TCTN1: variants seen among roughly 807,000 people sequenced by gnomAD.
TCTN1 encodes the protein tectonic-1.
In TCTN1, 58 loss-of-function variants were observed where a neutral mutation model predicts 65.8. The ratio of observed to expected loss-of-function variants is 0.88; its 90% CI spans 0.71 to 1.10. The LOEUF is 1.10. TCTN1 is among the 50% of genes least tolerant of loss of function. The pLI, the probability that TCTN1 is intolerant of heterozygous loss-of-function variation, is 0.00. For synonymous variants in TCTN1, 273 were observed against 289.1 expected (o/e 0.94, Z 0.57); for missense variants, 645 against 719.4 (o/e 0.90, Z 1.18).
Position 110,619,890 on chromosome 12 carries a change from G to C in TCTN1, c.275G>C (p.Cys92Ser), listed in dbSNP as rs758246510. ...LSPAQCDINCCCDPDCSSVDF... is the reference protein window; with the variant it reads ...LSPAQCDINCSCDPDCSSVDF... ...CCAGCACAGTGTGACATCAACTGCT[G>C]CTGTGATCCCGACTGCAGCTCCGTG... Residue 92 changes from cysteine to serine, a missense_variant, in exon 2 of 15, where the codon TGC (cysteine) becomes TCC (serine). Physicochemically the swap from Cys to Ser is moderately radical, Grantham distance 112. Coordinates refer to ENST00000397659, the MANE Select transcript of TCTN1 (RefSeq NM_001082538.3). 6.2e-7 allele frequency: 1 copy of C among 1,614,156 alleles called. No individual in the cohort carries two copies. Among genetic ancestry groups the C allele is most frequent in the South Asian group, 1.1e-5 (1 of 91,086 alleles).
intron 11 of TCTN1, chr12:110,643,254 T>C (rs987354818): frequency 3.3e-5 from 5 of 152,134 alleles, no homozygotes; most frequent in African/African-American, 1.2e-4. Context: ...AGCAAAAATA[T>C]TTCCCCTGAC....
intron 12 of TCTN1, 116 bp downstream of exon 12, chr12:110,645,245 C>G: frequency 2.2e-6 from 3 of 1,369,034 alleles, no homozygotes; most frequent in Non-Finnish European, 3.0e-6. Context: ...AGTGGGAGCG[C>G]GGGCTGAATC....
intron 6 of TCTN1, among the ~76,000 whole-genome samples, chr12:110,635,207 G>T (rs2136075376): frequency 6.6e-6 from 1 of 152,322 alleles, no homozygotes; most frequent in East Asian, 1.9e-4. Context: ...AGTCAGGAAA[G>T]AACAGGAAAT....
At chr12:110,634,927 G>T in intron 6 of TCTN1, 148 bp downstream of exon 6, 2 of 589,614 alleles carry the variant, frequency 3.4e-6, no homozygotes, top group South Asian at 2.3e-5. Context: ...AGTGATTATT[G>T]AAATAATCCT....
In TCTN1 at chr12:110,626,385, A is replaced by C; in HGVS notation, c.365A>C (p.Gln122Pro). 2 of 1,593,946 alleles carry C rather than the reference A, an allele frequency of 1.3e-6. No homozygotes were observed. The highest frequency in any genetic ancestry group is 1.7e-6 in the Non-Finnish European group (2 of 1,167,612). ...AGGGGCGACAGCCAGTTTTGTAGTCAAAAAGCAGTCATCTATTCATTGAAT... is the reference window on the plus strand; with the variant it reads ...AGGGGCGACAGCCAGTTTTGTAGTCCAAAAGCAGTCATCTATTCATTGAAT... ...VVTGDSQFCS[Q>P]KAVIYSLNFT... Residue 122 changes from glutamine to proline, a missense_variant, in exon 3 of 15, where the codon CAA becomes CCA. By Grantham distance (76) the Gln-to-Pro change is moderately conservative. Coordinates refer to ENST00000397659, the MANE Select transcript of TCTN1 (RefSeq NM_001082538.3).
chr12:110,618,658 C>T (rs906312846), intron 1 of TCTN1, among the ~76,000 whole-genome samples: 6 of 152,028 alleles, frequency 3.9e-5, no homozygotes, highest in Non-Finnish European at 8.8e-5. Context: ...TGTGAGCCAC[C>T]GTGCCTGGTT....
intron 1 of TCTN1, among the ~76,000 whole-genome samples, chr12:110,617,620 AC>A: frequency 6.7e-6 from 1 of 150,318 alleles, no homozygotes; most frequent in East Asian, 2.0e-4. Context: ...GCTATGGGAT[AC>A]ATTTTTCTTT....
chr12:110,642,535 G>A, intron 11 of TCTN1, 146 bp downstream of exon 11: 1 of 1,173,590 alleles, frequency 8.5e-7, no homozygotes, highest in Non-Finnish European at 1.2e-6. Context: ...ATGAATAGTA[G>A]CAAAACTGTT....
At chr12:110,616,477 C>A in intron 1 of TCTN1, 1 of 230,680 alleles carries the variant, frequency 4.3e-6, no homozygotes, top group East Asian at 1.0e-4. Context: ...GAACTCCTGG[C>A]CTCAAGTGAT....
Position 110,634,787 on chromosome 12 carries a change from T to G in TCTN1, c.822+8T>G. 6.3e-7 allele frequency: 1 copy of G among 1,596,910 alleles called. No homozygotes were observed. The highest frequency in any genetic ancestry group is 8.6e-7 in the Non-Finnish European group (1 of 1,168,272). On this transcript the variant is annotated splice_region_variant and intron_variant, in intron 6 of 14. Coordinates refer to ENST00000397659, the MANE Select transcript of TCTN1 (RefSeq NM_001082538.3). Reference sequence around the variant, plus strand: ...AGCCCGGAAATTCTGAGGGTAAGAATTATTTTGAAGTGGAACTTACTCATT... The same window carrying G: ...AGCCCGGAAATTCTGAGGGTAAGAAGTATTTTGAAGTGGAACTTACTCATT...
intron 5 of TCTN1, among the ~76,000 whole-genome samples, chr12:110,632,840 A>T (rs1304842576): frequency 1.3e-5 from 2 of 152,102 alleles, no homozygotes; most frequent in East Asian, 1.9e-4. Flanking sequence ...ACTTGTAGTG[A>T]TGGGGAACTG....
chr12:110,636,528 T>C, intron 7 of TCTN1, 27 bp downstream of exon 7: 1 of 1,231,096 alleles, frequency 8.1e-7, no homozygotes, highest in East Asian at 2.4e-5. Flanking sequence ...ATTTTTGTAA[T>C]AGAAAGTAGG....
chr12:110,626,639 G>A, intron 3 of TCTN1, 147 bp downstream of exon 3: 1 of 799,902 alleles, frequency 1.3e-6, no homozygotes, highest in Non-Finnish European at 1.9e-6. Flanking sequence ...GCGTGCAGTG[G>A]CGCAATCTCG....
intron 2 of TCTN1, among the ~76,000 whole-genome samples, chr12:110,622,560 G>A (rs2065509961): frequency 6.6e-6 from 1 of 152,190 alleles, no homozygotes; most frequent in African/African-American, 2.4e-5. Context: ...AGGACACGTG[G>A]AAGATGGTCA....
intron 2 of TCTN1, among the ~76,000 whole-genome samples, chr12:110,624,317 A>G (rs1211386418): frequency 1.3e-5 from 2 of 151,500 alleles, no homozygotes; most frequent in Non-Finnish European, 1.5e-5. Context: ...GGGCTCAAGC[A>G]GTCCTCCTAC....
At chr12:110,647,649 C>A in intron 13 of TCTN1, 100 bp from the exon 14 acceptor site, 1 of 1,559,388 alleles carries the variant, frequency 6.4e-7, no homozygotes, top group African/African-American at 1.4e-5. Flanking sequence ...GATTCATGAA[C>A]TGACAGTAGT....
intron 5 of TCTN1, chr12:110,634,326 CTTTTTGTGCTTT>C: frequency 2.2e-6 from 1 of 455,442 alleles, no homozygotes; most frequent in East Asian, 7.0e-5. Context: ...TACTCATTAT[CTTTTTGTGCTTT>C]TTGAATTTTG....
Position 110,640,362 on chromosome 12 carries a change from C to A in TCTN1, c.844-21C>A. ...CTCCCTGGGTAGAGCATCTTCAACA[C>A]TCCAGGTCTTCACTCTGCAGGTCCC... On this transcript the variant is annotated intron_variant, in intron 7 of 14. Coordinates refer to ENST00000397659, the MANE Select transcript of TCTN1 (RefSeq NM_001082538.3). The surrounding 1 kb of genome is among the most constrained non-coding windows in gnomAD (Gnocchi z 4.9). 6.2e-7 allele frequency: 1 copy of A among 1,614,122 alleles called. No individual in the cohort carries two copies. Among genetic ancestry groups the A allele is most frequent in the Non-Finnish European group, 8.5e-7 (1 of 1,180,008 alleles).
chr12:110,631,761 T>C (rs909747013), intron 4 of TCTN1, among the ~76,000 whole-genome samples: 3 of 152,266 alleles, frequency 2.0e-5, no homozygotes, highest in African/African-American at 7.2e-5. Context: ...TATACATACA[T>C]TTTTGTACAC....
Sources: gnomAD v4.1 joint callset for allele counts (sites outside exome capture counted in the v4.1 genomes callset) on GRCh38, gnomAD v4.1.1 for gene constraint, Gnocchi (gnomAD v3.1) non-coding constraint, MANE v1.5 for transcripts, NCBI Gene and HGNC (gene_info 2026-07-23, HGNC 2026-07-21) for gene names.